The following SEPTIN2 variants were observed in gnomAD, a reference collection of about 807,000 sequenced individuals.
The protein encoded by SEPTIN2 is septin-2.
A neutral mutation model predicts 46.5 loss-of-function variants in SEPTIN2; 34 were observed. The observed-to-expected ratio is 0.73, with a 90% CI of 0.56 to 0.97. The LOEUF is 0.97. Among genes scored for constraint, SEPTIN2 ranks in the 50% least tolerant of loss-of-function variants. The probability of loss-of-function intolerance (pLI) is 0.00; values close to 1 mark genes in which losing one functional copy is unlikely to be tolerated. For synonymous variants in SEPTIN2, 175 were observed against 153.4 expected (o/e 1.14, Z -1.04); for missense variants, 347 against 448.4 (o/e 0.77, Z 2.04).
chr2:241,317,207 A>G (rs2076466433), intron 1 of SEPTIN2: 1 of 152,368 alleles, frequency 6.6e-6, no homozygotes, highest in South Asian at 2.1e-4. Flanking sequence ...GCTCCCATTA[A>G]TGGGTTCTTT....
intron 2 of SEPTIN2, 95 bp from the exon 3 acceptor site, chr2:241,325,898 C>A (rs12477089): frequency 0.2 from 240,680 of 1,224,784 alleles, 24,056 homozygotes; most frequent in Middle Eastern, 0.28. Flanking sequence ...TTTGTGAAAA[C>A]TGATAACCTA....
chr2:241,323,291 C>T (rs1418469285), intron 1 of SEPTIN2, among the ~76,000 whole-genome samples: 1 of 152,082 alleles, frequency 6.6e-6, no homozygotes, highest in African/African-American at 2.4e-5. Flanking sequence ...CTGTCTCAGC[C>T]TTCTGAGTAG....
Position 241,353,432 on chromosome 2 carries a change from A to G in SEPTIN2, c.*1495A>G, listed in dbSNP as rs929453978. 3 of 152,114 alleles carry G rather than the reference A, an allele frequency of 2.0e-5. No homozygotes were observed. Among genetic ancestry groups the G allele is most frequent in the Non-Finnish European group, 4.4e-5 (3 of 68,006 alleles). The allele number at this position is 152,114 out of a possible 1,614,324, so 9.4% of individuals were successfully genotyped here. On this transcript the variant is annotated 3_prime_UTR_variant, in exon 13 of 13. Coordinates refer to ENST00000391971, the MANE Select transcript of SEPTIN2 (RefSeq NM_004404.5). ...ACAATGGTTGTGTAGGGAGATGGAGAAAATGCTTAATCTGAGGATGAGACA... is the reference window on the plus strand; with the variant it reads ...ACAATGGTTGTGTAGGGAGATGGAGGAAATGCTTAATCTGAGGATGAGACA...
At chr2:241,336,553 G>T (rs1402194355) in intron 5 of SEPTIN2, among the ~76,000 whole-genome samples, 2 of 152,156 alleles carry the variant, frequency 1.3e-5, no homozygotes, top group African/African-American at 4.8e-5. Flanking sequence ...CACTTTTGTT[G>T]TACAAACTCC....
intron 10 of SEPTIN2, among the ~76,000 whole-genome samples, chr2:241,347,011 C>T (rs1362034763): frequency 6.6e-6 from 1 of 152,142 alleles, no homozygotes; most frequent in African/African-American, 2.4e-5. Context: ...TATAAGTTTT[C>T]TGGGAGGCCA....
Position 241,337,741 on chromosome 2 carries a change from C to CA in SEPTIN2, c.549dup (p.Ala184SerfsTer2). On this transcript the variant is annotated frameshift_variant, in exon 7 of 13. Coordinates refer to ENST00000391971, the MANE Select transcript of SEPTIN2 (RefSeq NM_004404.5). LOFTEE classifies it high-confidence loss of function. ...AAGGTGAATATTGTGCCTGTCATTG[C>CA]AAAAGCTGACACTCTCACCCTGAAG... 6.2e-7 allele frequency: 1 copy of CA among 1,614,006 alleles called. No individual in the cohort carries two copies. The highest frequency in any genetic ancestry group is 1.3e-5 in the African/African-American group (1 of 74,988).
intron 3 of SEPTIN2, among the ~76,000 whole-genome samples, chr2:241,334,302 C>G (rs1430159504): frequency 6.6e-6 from 1 of 152,192 alleles, no homozygotes; most frequent in Non-Finnish European, 1.5e-5. Context: ...GTTCTCCATG[C>G]AGAATTGAGA....
At chr2:241,349,577 C>G (rs1022345875) in intron 11 of SEPTIN2, among the ~76,000 whole-genome samples, 4 of 152,064 alleles carry the variant, frequency 2.6e-5, no homozygotes, top group Admixed American at 6.5e-5. Flanking sequence ...AATCCCAGCA[C>G]TTTGGGAGGC....
chr2:241,337,535 T>C lies in SEPTIN2; in HGVS notation c.476+19T>C. 1 of 1,612,466 alleles carries C rather than the reference T, an allele frequency of 6.2e-7. No homozygotes were observed. Among genetic ancestry groups the C allele is most frequent in the East Asian group, 2.2e-5 (1 of 44,838 alleles). On this transcript the variant is annotated intron_variant, in intron 6 of 12. Transcript: ENST00000391971. ...GACATGGGTAAGTAATTGTTTATCGTGGAGAAATGCTTTACTACATGGGTT... is the reference window on the plus strand; with the variant it reads ...GACATGGGTAAGTAATTGTTTATCGCGGAGAAATGCTTTACTACATGGGTT...
intron 7 of SEPTIN2, among the ~76,000 whole-genome samples, chr2:241,340,736 G>T (rs560034267): frequency 6.6e-6 from 1 of 152,070 alleles, no homozygotes; most frequent in African/African-American, 2.4e-5. Context: ...GAAATACTTC[G>T]AGCTTTTATC....
At chr2:241,324,175 T>C in intron 1 of SEPTIN2, 41 bp from the exon 2 acceptor site, 1 of 1,597,228 alleles carries the variant, frequency 6.3e-7, no homozygotes, top group Non-Finnish European at 8.5e-7. Flanking sequence ...ACATACTATG[T>C]ATGTGCGTTT....
intron 3 of SEPTIN2, 43 bp downstream of exon 3, chr2:241,326,156 C>T: frequency 3.2e-6 from 5 of 1,566,674 alleles, no homozygotes; most frequent in Non-Finnish European, 4.3e-6. Flanking sequence ...AAATAAATAT[C>T]TCCCCTTTCC....
intron 4 of SEPTIN2, chr2:241,335,732 C>T (rs989494664): frequency 1.7e-6 from 1 of 572,110 alleles, no homozygotes. Flanking sequence ...TTCTTTTTCC[C>T]AGGAACAGAA....
intron 2 of SEPTIN2, chr2:241,324,675 GT>G (rs111436053): frequency 1.4e-4 from 32 of 229,604 alleles, no homozygotes; most frequent in African/African-American, 7.3e-4. Flanking sequence ...GTGAGCCACC[GT>G]GCCTGGCCTA....
At chr2:241,323,267 T>A (rs2077419951) in intron 1 of SEPTIN2, among the ~76,000 whole-genome samples, 1 of 151,856 alleles carries the variant, frequency 6.6e-6, no homozygotes, top group Admixed American at 6.6e-5. Flanking sequence ...GCCTCCCAGG[T>A]TCAAGCGATT....
At chr2:241,319,904 T>A (rs1476070133) in intron 1 of SEPTIN2, among the ~76,000 whole-genome samples, 1 of 152,220 alleles carries the variant, frequency 6.6e-6, no homozygotes, top group Non-Finnish European at 1.5e-5. Flanking sequence ...AGCAGTTTTC[T>A]TACTGTTTTC....
chr2:241,320,314 A>T (rs956501071), intron 1 of SEPTIN2: 2 of 470,976 alleles, frequency 4.2e-6, no homozygotes, highest in Non-Finnish European at 8.8e-6. Context: ...CTGCTTAGTG[A>T]TACTTGTTTT....
intron 1 of SEPTIN2, among the ~76,000 whole-genome samples, chr2:241,318,625 T>TA (rs1310654796): frequency 1.3e-5 from 2 of 152,226 alleles, no homozygotes; most frequent in Non-Finnish European, 2.9e-5. Context: ...GTACTTGACT[T>TA]ACTTGAGATC....
At chr2:241,325,399 C>A (rs1453986830) in intron 2 of SEPTIN2, among the ~76,000 whole-genome samples, 1 of 152,090 alleles carries the variant, frequency 6.6e-6, no homozygotes, top group Non-Finnish European at 1.5e-5. Flanking sequence ...TCTGTCTTTT[C>A]TTTCTTGGTC....
Sources: allele counts gnomAD v4.1 joint callset (sites outside exome capture counted in the v4.1 genomes callset), GRCh38; gene constraint gnomAD v4.1.1; transcripts MANE v1.5; gene names NCBI Gene and HGNC (gene_info 2026-07-23, HGNC 2026-07-21).